Variants in LAMB4 observed in about 807,000 individuals in gnomAD.
LAMB4 encodes laminin subunit beta 4, also known as laminin subunit beta-4.
Under a neutral mutation model 199.2 loss-of-function variants are expected in LAMB4, and 196 were observed. The ratio of observed to expected loss-of-function variants is 0.98; its 90% confidence interval spans 0.88 to 1.11. The LOEUF (loss-of-function observed/expected upper bound fraction) is 1.11, where lower values mean the gene tolerates loss of function less well. Ranked by LOEUF, LAMB4 falls within the 50% of genes least tolerant of loss-of-function variation. The probability of loss-of-function intolerance (pLI) is 0.00; values close to 1 mark genes in which losing one functional copy is unlikely to be tolerated. For missense variants in LAMB4, 2,080 were observed against 2,171.2 expected, an observed-to-expected ratio of 0.96 and a Z score of 0.83; for synonymous variants, 744 against 770.6, an observed-to-expected ratio of 0.97 and a Z score of 0.57.
Position 108,084,853 on chromosome 7 carries a change from C to T in LAMB4, c.1702-5067G>A, listed in dbSNP as rs545032780. Among the ~76,000 whole-genome samples the T allele has an allele frequency of 1.0e-4, 15 of 146,516 alleles. No individual in the cohort carries two copies. The East Asian group carries it at 1.4e-3, about 14-fold the overall frequency. On this transcript the variant is annotated intron_variant, in intron 14 of 33. Coordinates refer to ENST00000388781, the MANE Select transcript of LAMB4 (RefSeq NM_007356.3). ...TGACCTCCTGGGCTCAAGTGATCCT[C>T]CCACCTCAGCCTACTGAGTAGTTGG...
downstream of LAMB4, among the ~76,000 whole-genome samples, chr7:108,020,082 C>A (rs2034658861): frequency 6.6e-6 from 1 of 152,140 alleles, no homozygotes; most frequent in African/African-American, 2.4e-5. Flanking sequence ...CCTCACTTAT[C>A]CCCTACTCTG....
At chr7:108,036,231 C>A (rs1351297643) in intron 30 of LAMB4, among the ~76,000 whole-genome samples, 1 of 150,978 alleles carries the variant, frequency 6.6e-6, no homozygotes, top group Non-Finnish European at 1.5e-5. Flanking sequence ...ATTTTGTTGC[C>A]CAGGCTGGAG....
At chr7:108,103,957 A>C (rs2037908358) in intron 9 of LAMB4, among the ~76,000 whole-genome samples, 1 of 152,178 alleles carries the variant, frequency 6.6e-6, no homozygotes, top group African/African-American at 2.4e-5. Flanking sequence ...TTGAATAACA[A>C]ATTTGTTTGG....
At chr7:108,033,246 A>G (rs1428967302) in intron 31 of LAMB4, among the ~76,000 whole-genome samples, 3 of 152,218 alleles carry the variant, frequency 2.0e-5, no homozygotes, top group Non-Finnish European at 2.9e-5. Context: ...GTGCAAAAGC[A>G]TCCATAGACA....
intron 25 of LAMB4, 53 bp downstream of exon 25, chr7:108,055,579 G>A (rs2150532633): frequency 1.3e-6 from 2 of 1,536,930 alleles, no homozygotes; most frequent in South Asian, 2.5e-5. Flanking sequence ...AGCTTGGTGG[G>A]AGTTAAGGTA....
intron 28 of LAMB4, among the ~76,000 whole-genome samples, chr7:108,044,971 A>G (rs929716972): frequency 1.1e-4 from 16 of 144,100 alleles, no homozygotes; most frequent in South Asian, 2.1e-4. Context: ...AAAAAAAAAA[A>G]AAAGAAAAGA....
intron 10 of LAMB4, among the ~76,000 whole-genome samples, chr7:108,101,888 C>T (rs1042301135): frequency 3.3e-5 from 5 of 152,118 alleles, no homozygotes; most frequent in Admixed American, 6.5e-5. Flanking sequence ...GATGAGATAC[C>T]ATTTTTGATT....
chr7:108,069,623 T>C, intron 18 of LAMB4, 85 bp downstream of exon 18: 2 of 1,283,904 alleles, frequency 1.6e-6, no homozygotes, highest in Non-Finnish European at 2.2e-6. Flanking sequence ...TTGTTTGGAG[T>C]GGATGCTAAC....
At chr7:108,118,558 C>G (rs1049625107) in intron 2 of LAMB4, among the ~76,000 whole-genome samples, 34 of 151,886 alleles carry the variant, frequency 2.2e-4, no homozygotes, top group Non-Finnish European at 1.8e-4. Context: ...GGTGCTGGAG[C>G]AATTGGATCC....
intron 21 of LAMB4, among the ~76,000 whole-genome samples, chr7:108,064,849 T>C (rs2036280177): frequency 6.6e-6 from 1 of 152,174 alleles, no homozygotes; most frequent in Non-Finnish European, 1.5e-5. Context: ...AGTTATCTTC[T>C]TATTTTCAGT....
intron 1 of LAMB4, among the ~76,000 whole-genome samples, chr7:108,126,233 C>A (rs888609624): frequency 2.8e-4 from 42 of 152,104 alleles, no homozygotes; most frequent in Non-Finnish European, 7.4e-5. Context: ...AGAAATACAC[C>A]TACATAAAAT....
At chr7:108,065,697 G>T (rs2036310662) in intron 21 of LAMB4, 65 bp downstream of exon 21, 2 of 1,350,358 alleles carry the variant, frequency 1.5e-6, no homozygotes, top group African/African-American at 1.4e-5. Flanking sequence ...ATGAATATAT[G>T]ATCATTTTAC....
intron 14 of LAMB4, among the ~76,000 whole-genome samples, chr7:108,089,674 T>C (rs1394263706): frequency 6.6e-6 from 1 of 152,190 alleles, no homozygotes; most frequent in African/African-American, 2.4e-5. Flanking sequence ...GTTGTGTTTG[T>C]TTTTTTGAGA....
chr7:108,047,479 C>CT (rs1004397384), intron 28 of LAMB4, among the ~76,000 whole-genome samples: 28 of 152,118 alleles, frequency 1.8e-4, no homozygotes, highest in Admixed American at 5.9e-4. Context: ...ATAATATTCT[C>CT]TTTTTTCTAG....
intron 1 of LAMB4, 109 bp from the exon 2 acceptor site, chr7:108,123,306 A>G (rs1366804238): frequency 1.7e-6 from 1 of 587,474 alleles, no homozygotes; most frequent in African/African-American, 1.9e-5. Context: ...TGCTTTAGAC[A>G]TACGAAATAA....
chr7:108,103,358 G>A, intron 9 of LAMB4, 126 bp from the exon 10 acceptor site: 1 of 719,302 alleles, frequency 1.4e-6, no homozygotes, highest in Non-Finnish European at 2.1e-6. Context: ...TCTTTGTATA[G>A]ATGCACCAAG....
Position 108,034,303 on chromosome 7 carries a change from G to A in LAMB4, c.4723C>T (p.Gln1575Ter). The A allele has an allele frequency of 6.2e-7, 1 of 1,612,056 alleles. No individual in the cohort carries two copies. The highest frequency in any genetic ancestry group is 2.2e-5 in the East Asian group (1 of 44,838). Residue 1575 changes from glutamine to a stop codon, truncating the protein, a stop_gained, in exon 31 of 34, where the codon CAG (glutamine) becomes TAG (stop). Coordinates refer to ENST00000388781, the MANE Select transcript of LAMB4 (RefSeq NM_007356.3). LOFTEE classifies it high-confidence loss of function. ...TGAGTGATTTGAGCTTGTTGTAACT[G>A]GTTCAATGTTTTGTCAAGATTTAAT... ...ILLNLDKTLNQLQQAQITQGR... is the reference protein window; with the variant it reads ...ILLNLDKTLN
At chr7:108,105,770 G>C (rs370533) in intron 8 of LAMB4, 47 bp downstream of exon 8, 582,337 of 1,528,476 alleles carry the variant, frequency 0.38, 113,786 homozygotes, top group Non-Finnish European at 0.41. Context: ...CCAGGACAGT[G>C]AAAGGCAGGT....
chr7:108,088,895 G>A (rs796205360), intron 14 of LAMB4, among the ~76,000 whole-genome samples: 2 of 152,306 alleles, frequency 1.3e-5, no homozygotes, highest in African/African-American at 4.8e-5. Flanking sequence ...TAAAAGGAAT[G>A]TGTGTTTAGA....
Sources: gnomAD v4.1 joint callset for allele counts (sites outside exome capture counted in the v4.1 genomes callset) on GRCh38, gnomAD v4.1.1 for gene constraint, MANE v1.5 for transcripts, NCBI Gene and HGNC (gene_info 2026-07-23, HGNC 2026-07-21) for gene names.